The following KRABD4 variants were observed in gnomAD, a reference collection of about 807,000 sequenced individuals.
The protein encoded by KRABD4 is KRAB domain containing 4, also known as KRAB domain-containing protein 4.
the KRABD4 span, among the ~76,000 whole-genome samples, chrX:46,459,471 T>G: frequency 3.6e-5 from 4 of 111,522 alleles, no homozygotes; most frequent in Non-Finnish European, 7.5e-5. Flanking sequence ...ATTTTTATGG[T>G]TATTTTGTAC....
chrX:46,462,968 G>T, the KRABD4 span: 1 of 1,149,483 alleles, frequency 8.7e-7, no homozygotes, highest in Non-Finnish European at 1.2e-6. Flanking sequence ...AACAATGAGT[G>T]TGGGTTACCA....
chrX:46,462,342 T>A, the KRABD4 span: 1 of 163,109 alleles, frequency 6.1e-6, no homozygotes. Context: ...AAACTCCGTC[T>A]GTACTAACAA....
At chrX:46,460,722 A>C in the KRABD4 span, among the ~76,000 whole-genome samples, 1 of 104,325 alleles carries the variant, frequency 9.6e-6, no homozygotes, top group Non-Finnish European at 1.9e-5. Flanking sequence ...CCTGGCCTCA[A>C]GTGATCCTCC....
At chrX:46,459,111 A>C in the KRABD4 span, among the ~76,000 whole-genome samples, 1 of 110,802 alleles carries the variant, frequency 9.0e-6, no homozygotes, top group Non-Finnish European at 1.9e-5. Context: ...TCAGGAGTTC[A>C]AGACCAGCCT....
the KRABD4 span, among the ~76,000 whole-genome samples, chrX:46,452,344 G>T: frequency 4.8e-5 from 5 of 103,826 alleles, no homozygotes; most frequent in Admixed American, 5.3e-4. Flanking sequence ...GTTTCTTAGT[G>T]TGGCACTATT....
At chrX:46,463,871 C>G in the KRABD4 span, among the ~76,000 whole-genome samples, 6 of 110,515 alleles carry the variant, frequency 5.4e-5, no homozygotes, top group Non-Finnish European at 7.6e-5. Flanking sequence ...GTACCCACCA[C>G]GTTCTTGCCT....
chrX:46,459,384 G>T, the KRABD4 span, among the ~76,000 whole-genome samples: 2,258 of 109,819 alleles, frequency 0.021, 56 homozygotes, highest in African/African-American at 0.069. Context: ...CTGTAGCTAT[G>T]TATTTTCTGA....
At chrX:46,461,690 C>G in the KRABD4 span, among the ~76,000 whole-genome samples, 1 of 111,936 alleles carries the variant, frequency 8.9e-6, no homozygotes, top group Non-Finnish European at 1.9e-5. Flanking sequence ...GGTGACAAGG[C>G]CAAGCACAGA....
the KRABD4 span, among the ~76,000 whole-genome samples, chrX:46,470,696 C>G: frequency 9.1e-6 from 1 of 110,069 alleles, no homozygotes; most frequent in South Asian, 3.8e-4. Flanking sequence ...ATAAATATCC[C>G]TCTAATTGCT....
chrX:46,462,599 G>T, the KRABD4 span: 1 of 1,012,479 alleles, frequency 9.9e-7, no homozygotes, highest in African/African-American at 1.9e-5. Flanking sequence ...TGTGACCTGG[G>T]TTAGTTACTT....
chrX:46,450,574 C>G, the KRABD4 span: 1 of 778,571 alleles, frequency 1.3e-6, no homozygotes, highest in Non-Finnish European at 1.9e-6. Context: ...CCCCTCTTCT[C>G]TGGCTGTTTT....
the KRABD4 span, among the ~76,000 whole-genome samples, chrX:46,458,402 C>G: frequency 3.6e-5 from 4 of 111,889 alleles, no homozygotes; most frequent in East Asian, 5.6e-4. Flanking sequence ...CACAGTAATG[C>G]CCTTTCTAGA....
the KRABD4 span, chrX:46,462,776 T>G: frequency 8.3e-7 from 1 of 1,211,823 alleles, no homozygotes; most frequent in Non-Finnish European, 1.1e-6. Flanking sequence ...GACGTGTTTG[T>G]GGACTTCACC....
At chrX:46,467,566 A>G in the KRABD4 span, among the ~76,000 whole-genome samples, 1 of 110,830 alleles carries the variant, frequency 9.0e-6, no homozygotes, top group East Asian at 2.8e-4. Context: ...CAAAAATAAT[A>G]ATAATAATAA....
At chrX:46,465,986 T>A in the KRABD4 span, among the ~76,000 whole-genome samples, 21 of 111,873 alleles carry the variant, frequency 1.9e-4, no homozygotes, top group African/African-American at 6.8e-4. Flanking sequence ...TAAATCTATT[T>A]CAGGAACTAT....
chrX:46,468,110 G>A, the KRABD4 span, among the ~76,000 whole-genome samples: 1 of 111,652 alleles, frequency 9.0e-6, no homozygotes. Flanking sequence ...TGTATCTGAT[G>A]TGAGGTAAGG....
the KRABD4 span, chrX:46,454,906 T>G: frequency 6.5e-6 from 1 of 152,692 alleles, no homozygotes; most frequent in Non-Finnish European, 1.2e-5. Flanking sequence ...TTAGTGTATT[T>G]TATGTGTGGC....
chrX:46,459,325 G>GAAAAAAAAAAAAGA, the KRABD4 span, among the ~76,000 whole-genome samples: 1 of 94,634 alleles, frequency 1.1e-5, no homozygotes, highest in South Asian at 4.9e-4. Flanking sequence ...AAAAAAAAAA[G>GAAAAAAAAAAAAGA]AAAAAAAAAA....
chrX:46,448,460 G>A, the KRABD4 span: 1 of 113,186 alleles, frequency 8.8e-6, no homozygotes, highest in African/African-American at 3.2e-5. Flanking sequence ...CCTCAGCCCA[G>A]AGCCCAGACC....
Sources: gnomAD v4.1 joint callset for allele counts (sites outside exome capture counted in the v4.1 genomes callset) on GRCh38, gnomAD v4.1.1 for gene constraint, MANE v1.5 for transcripts, NCBI Gene and HGNC (gene_info 2026-07-23, HGNC 2026-07-21) for gene names.